Variants in CRYBG2 observed in about 807,000 individuals in gnomAD.
CRYBG2 encodes the protein crystallin beta-gamma domain containing 2.
A neutral mutation model predicts 153.4 loss-of-function variants in CRYBG2; 106 were observed. That is an observed-to-expected ratio of 0.69 (90% confidence interval 0.59 to 0.81). CRYBG2 has a LOEUF of 0.81. Among genes scored for constraint, CRYBG2 ranks in the 30% least tolerant of loss-of-function variants. CRYBG2 has a pLI of 0.00. For missense variants in CRYBG2, 1,996 were observed against 2,112.0 expected (o/e 0.95, Z 1.08); for synonymous variants, 851 against 877.8 (o/e 0.97, Z 0.54).
At chr1:26,326,883 G>T in intron 17 of CRYBG2, 1 of 493,428 alleles carries the variant, frequency 2.0e-6, no homozygotes. Context: ...GTTCTTATGA[G>T]ATTGTCCAAA....
Position 26,338,018 on chromosome 1 carries a change from C to G in CRYBG2, c.3501G>C (p.Glu1167Asp). 1.9e-6 allele frequency: 3 copies of G among 1,612,716 alleles called. No individual in the cohort carries two copies. The South Asian group carries it at 3.3e-5, about 18-fold the overall frequency. Residue 1167 changes from glutamate (E) to aspartate (D), a missense_variant, in exon 8 of 20, where the codon GAG becomes GAC. Transcript: ENST00000308182. Reference protein sequence around the residue: ...LGCPSVEKPGEPRAVVYEAPG... With the variant: ...LGCPSVEKPGDPRAVVYEAPG... ...CTTAAGCCCAGACTCTTACCCTGGG[C>G]TCCCCTGGCTTCTCCACACTTGGGC... is the stretch of plus-strand genomic sequence containing the variant.
intron 16 of CRYBG2, 105 bp from the exon 17 acceptor site, chr1:26,328,437 T>C: frequency 6.8e-7 from 1 of 1,466,068 alleles, no homozygotes; most frequent in Non-Finnish European, 9.2e-7. Context: ...CACCTCCTCT[T>C]CTCCCATGGA....
In CRYBG2 at chr1:26,322,150, A is replaced by T. The variant is rs1327692924; in HGVS notation, c.4897+14T>A. The T allele has an allele frequency of 3.1e-6, 5 of 1,609,372 alleles. No homozygotes were observed. In the South Asian group the frequency reaches 5.5e-5, roughly 18 times the overall value. Reference sequence around the variant, plus strand: ...CCCCCTCAGGAGCCCTCTTCCCCATACATCCCACCTTACCCTTCACGTCCA... The same window carrying T: ...CCCCCTCAGGAGCCCTCTTCCCCATTCATCCCACCTTACCCTTCACGTCCA... On this transcript the variant is annotated intron_variant, in intron 19 of 19. Transcript: ENST00000308182.
At chr1:26,326,639 A>T (rs1235124176) in intron 17 of CRYBG2, 1 of 205,538 alleles carries the variant, frequency 4.9e-6, no homozygotes, top group Non-Finnish European at 1.1e-5. Context: ...AAAAAATGTG[A>T]TTTTTTTCTT....
chr1:26,323,562 G>C (rs1437882561), intron 18 of CRYBG2, among the ~76,000 whole-genome samples: 2 of 152,152 alleles, frequency 1.3e-5, no homozygotes, highest in Admixed American at 6.5e-5. Context: ...ACAGAGCCTG[G>C]CACATAGTAG....
At chr1:26,341,540 G>A (rs902870113) in intron 5 of CRYBG2, among the ~76,000 whole-genome samples, 8 of 152,000 alleles carry the variant, frequency 5.3e-5, no homozygotes, top group Non-Finnish European at 1.0e-4. Flanking sequence ...AGGCTGGAGT[G>A]CAATGGCATG....
In CRYBG2 at chr1:26,336,949, T is replaced by C; in HGVS notation, c.3803A>G (p.Glu1268Gly). The change falls in exon 11 of 20, where the codon GAG becomes GGG. Residue 1268 changes from glutamate (E) to glycine (G), a missense_variant. By Grantham distance (98) the Glu-to-Gly change is moderately conservative. Transcript: ENST00000308182. The surrounding 1 kb of genome is among the most constrained non-coding windows in gnomAD (Gnocchi z 4.9). ...DFGDPAVVLF[E>G]AMDFEGHGVE... is the part of the protein sequence containing the mutation. ...GCCGTGCCCCTCGAAGTCCATGGCC[T>C]CAAATAGCACGACGGCCGGGTCCCC... 1 of 1,613,488 alleles carries C rather than the reference T, an allele frequency of 6.2e-7. No homozygotes were observed.
At chr1:26,338,263 A>G in intron 7 of CRYBG2, 88 bp downstream of exon 7, 3 of 1,521,074 alleles carry the variant, frequency 2.0e-6, no homozygotes, top group Non-Finnish European at 2.6e-6. Context: ...TTCATCCCCC[A>G]TCCCTTCCCA....
At chr1:26,350,053 G>C (rs2074270351) in intron 1 of CRYBG2, among the ~76,000 whole-genome samples, 1 of 152,056 alleles carries the variant, frequency 6.6e-6, no homozygotes, top group Non-Finnish European at 1.5e-5. Flanking sequence ...GAGCCTAAGA[G>C]ATCTGCCCAC....
Position 26,328,737 on chromosome 1 carries a change from C to T in CRYBG2, c.4451G>A (p.Gly1484Asp), listed in dbSNP as rs770836869. ...CATGCCTCCCCTCAGCACTCACATGCCCCCCTTGATCCGCACAGACAGCAC... is the reference window on the plus strand; with the variant it reads ...CATGCCTCCCCTCAGCACTCACATGTCCCCCTTGATCCGCACAGACAGCAC... ...NHVLSVRIKG[G>D]IWVLCEHSDF... is the part of the protein sequence containing the mutation. The change falls in exon 16 of 20, where the codon GGC becomes GAC. Residue 1484 changes from glycine to aspartate, a missense_variant. Physicochemically the swap from Gly to Asp is moderately conservative, Grantham distance 94. Transcript: ENST00000308182. 3 of 1,612,010 alleles carry T rather than the reference C, an allele frequency of 1.9e-6. No individual in the cohort carries two copies. The highest frequency in any genetic ancestry group is 2.2e-5 in the South Asian group (2 of 91,006).
intron 1 of CRYBG2, among the ~76,000 whole-genome samples, chr1:26,351,259 G>A (rs1471940810): frequency 2.6e-5 from 4 of 152,132 alleles, no homozygotes; most frequent in African/African-American, 9.7e-5. Context: ...TCCTCGCTGG[G>A]ACTCTGCCCA....
At chr1:26,342,687 C>A in intron 5 of CRYBG2, 67 bp downstream of exon 5, 1 of 1,577,958 alleles carries the variant, frequency 6.3e-7, no homozygotes, top group Middle Eastern at 1.7e-4. Flanking sequence ...GCGTGAGTCA[C>A]TGCTCCTGGC....
chr1:26,336,267 G>T lies in CRYBG2; in HGVS notation c.4072-60C>A. 1 of 1,599,764 alleles carries T rather than the reference G, an allele frequency of 6.3e-7. No individual in the cohort carries two copies. The highest frequency in any genetic ancestry group is 1.1e-5 in the South Asian group (1 of 89,110). On this transcript the variant is annotated intron_variant, in intron 13 of 19. Transcript: ENST00000308182. This position sits in a 1 kb window ranked among gnomAD's most constrained non-coding sequence, Gnocchi z 4.9. ...ACGATGGAGTGGGGCCGAGAACAGC[G>T]GGGAGGGGAAAGGTCCGAAATGAGG...
Position 26,345,595 on chromosome 1 carries a change from G to A in CRYBG2, c.1063C>T (p.Pro355Ser). Residue 355 changes from proline to serine, a missense_variant, in exon 2 of 20, where the codon CCC (proline) becomes TCC (serine). Coordinates refer to ENST00000308182, the MANE Select transcript of CRYBG2 (RefSeq NM_001039775.4). ...SQGQASVPSSPRLETHVPSPG... is the reference protein window; with the variant it reads ...SQGQASVPSSSRLETHVPSPG... ...GAGGGGACATGGGTCTCGAGTCTGG[G>A]AGAGGAGGGGACTGATGCTTGACCC... 6.2e-7 allele frequency: 1 copy of A among 1,601,436 alleles called. No homozygotes were observed. Among genetic ancestry groups the A allele is most frequent in the Non-Finnish European group, 8.5e-7 (1 of 1,179,714 alleles).
rs894956904 is a variant in CRYBG2 at position 26,346,097 on chromosome 1, A to G, written c.561T>C (p.His187=). The G allele has an allele frequency of 3.3e-5, 52 of 1,574,978 alleles. No individual in the cohort carries two copies. Among genetic ancestry groups the G allele is most frequent in the Non-Finnish European group, 4.3e-5 (50 of 1,164,998 alleles). Residue 187 remains histidine (H), a synonymous_variant, in exon 2 of 20, where the codon CAT becomes CAC. Coordinates refer to ENST00000308182, the MANE Select transcript of CRYBG2 (RefSeq NM_001039775.4). This position sits in a 1 kb window ranked among gnomAD's most constrained non-coding sequence, Gnocchi z 4.9. ...TVRTTTVVGG[H]VDRRMSSSVT... is the part of the protein sequence containing the mutation. ...CAGAGCTGCTCATCCGCCGGTCCAC[A>G]TGACCTCCCACCACTGTGGTGGTCC...
At chr1:26,326,583 C>A in intron 17 of CRYBG2, 1 of 185,688 alleles carries the variant, frequency 5.4e-6, no homozygotes, top group East Asian at 1.3e-4. Flanking sequence ...ACACATCAAA[C>A]TCATGACTTT....
chr1:26,338,189 C>T, intron 7 of CRYBG2, 142 bp from the exon 8 acceptor site: 1 of 1,397,724 alleles, frequency 7.2e-7, no homozygotes, highest in Admixed American at 2.3e-5. Flanking sequence ...CCCTACCTCT[C>T]CTCCCACTCC....
At chr1:26,333,331 C>T (rs1325993924) in intron 14 of CRYBG2, among the ~76,000 whole-genome samples, 1 of 152,032 alleles carries the variant, frequency 6.6e-6, no homozygotes, top group East Asian at 1.9e-4. Context: ...TTTGGGAGGG[C>T]GAGGTGGGCG....
chr1:26,327,552 G>T (rs2073946673), intron 17 of CRYBG2, among the ~76,000 whole-genome samples: 2 of 152,024 alleles, frequency 1.3e-5, no homozygotes, highest in South Asian at 2.1e-4. Flanking sequence ...CGGAGGATGA[G>T]GTAGGAGAAT....
Sources: gnomAD v4.1 joint callset for allele counts (sites outside exome capture counted in the v4.1 genomes callset) on GRCh38, gnomAD v4.1.1 for gene constraint, Gnocchi (gnomAD v3.1) non-coding constraint, MANE v1.5 for transcripts, NCBI Gene and HGNC (gene_info 2026-07-23, HGNC 2026-07-21) for gene names.